PLPP4: variants seen among roughly 807,000 people sequenced by gnomAD.
The protein encoded by PLPP4 is phospholipid phosphatase 4.
A neutral mutation model predicts 32.2 loss-of-function variants in PLPP4; 20 were observed. The observed-to-expected ratio is 0.62, with a 90% confidence interval of 0.44 to 0.90. PLPP4 has a LOEUF of 0.90. Among genes scored for constraint, PLPP4 ranks in the 40% least tolerant of loss-of-function variants. PLPP4 has a pLI of 0.00. For missense variants in PLPP4, 257 were observed against 353.1 expected, an observed-to-expected ratio of 0.73 and a Z score of 2.18; for synonymous variants, 127 against 133.0, an observed-to-expected ratio of 0.95 and a Z score of 0.31.
At chr10:120,532,348 T>C (rs751593467) in intron 5 of PLPP4, among the ~76,000 whole-genome samples, 6 of 152,168 alleles carry the variant, frequency 3.9e-5, no homozygotes, top group Non-Finnish European at 7.3e-5. Context: ...TCTTTGCTAT[T>C]GTGAATAGTG....
intron 5 of PLPP4, among the ~76,000 whole-genome samples, chr10:120,539,086 T>G (rs1459473430): frequency 1.4e-4 from 22 of 152,178 alleles, no homozygotes; most frequent in Admixed American, 1.3e-3. Flanking sequence ...TACTAATTCC[T>G]TCAGCCCTTA....
chr10:120,541,577 G>A (rs543586796), intron 5 of PLPP4, among the ~76,000 whole-genome samples: 1 of 152,084 alleles, frequency 6.6e-6, no homozygotes, highest in Non-Finnish European at 1.5e-5. Context: ...GCTGTGAGGG[G>A]GGACATATAT....
intron 5 of PLPP4, among the ~76,000 whole-genome samples, chr10:120,560,736 C>G (rs953516217): frequency 6.6e-6 from 1 of 152,002 alleles, no homozygotes; most frequent in Non-Finnish European, 1.5e-5. Flanking sequence ...ACCTGGGTGG[C>G]GGAGTGAGAC....
intron 5 of PLPP4, among the ~76,000 whole-genome samples, chr10:120,574,168 ACTCTCTCTCTCTCTCTCTCT>A (rs58917160): frequency 0.029 from 1,369 of 46,954 alleles, 33 homozygotes; most frequent in East Asian, 0.15. Context: ...ACACACACAC[ACTCTCTCTCTCTCTCTCTCT>A]CTCTCTCTCT....
In PLPP4 at chr10:120,461,506, G is replaced by A. The variant is rs1589702749; in HGVS notation, c.56+4145G>A. Among the ~76,000 whole-genome samples, 5 of 152,076 alleles carry A rather than the reference G, an allele frequency of 3.3e-5. 1 individual carries two copies. The South Asian group carries it at 1.0e-3, about 32-fold the overall frequency. ...TCCCTATCCCTCCCTGTCATTTCTG[G>A]TGGCTCTCTGTCTGCAGGGTCCCCC... On this transcript the variant is annotated intron_variant, in intron 1 of 6. Coordinates refer to ENST00000398250, the MANE Select transcript of PLPP4 (RefSeq NM_001030059.3).
At chr10:120,508,183 G>A (rs1249156176) in intron 2 of PLPP4, among the ~76,000 whole-genome samples, 1 of 152,136 alleles carries the variant, frequency 6.6e-6, no homozygotes, top group Admixed American at 6.5e-5. Flanking sequence ...AGTCATTTTG[G>A]GGAGGAAGAA....
intron 6 of PLPP4, among the ~76,000 whole-genome samples, chr10:120,583,469 A>G (rs567546323): frequency 6.6e-6 from 1 of 152,134 alleles, no homozygotes; most frequent in Non-Finnish European, 1.5e-5. Context: ...ATTCTCAATT[A>G]TAAAATTCTC....
At chr10:120,532,246 T>A (rs1189720766) in intron 5 of PLPP4, among the ~76,000 whole-genome samples, 2 of 152,150 alleles carry the variant, frequency 1.3e-5, no homozygotes, top group Non-Finnish European at 2.9e-5. Context: ...TGAACTCATC[T>A]TTTTTTGTGG....
At chr10:120,534,563 A>G (rs1364347579) in intron 5 of PLPP4, among the ~76,000 whole-genome samples, 4 of 151,962 alleles carry the variant, frequency 2.6e-5, no homozygotes, top group African/African-American at 9.7e-5. Context: ...TTACTTCTTC[A>G]GGTACTTCCA....
intron 5 of PLPP4, among the ~76,000 whole-genome samples, chr10:120,571,091 G>GGTGTGTGT (rs1325313688): frequency 6.8e-5 from 5 of 74,046 alleles, no homozygotes; most frequent in African/African-American, 2.7e-4. Flanking sequence ...GTAGTAAAGG[G>GGTGTGTGT]GCGTGTGTGT....
At chr10:120,574,148 ACACACACACACACACACACACTCTCT>A (rs1849072762) in intron 5 of PLPP4, among the ~76,000 whole-genome samples, 1 of 116,972 alleles carries the variant, frequency 8.5e-6, no homozygotes, top group Admixed American at 9.5e-5. Flanking sequence ...ACACACACAC[ACACACACACACACACACACACTCTCT>A]CTCTCTCTCT....
intron 6 of PLPP4, among the ~76,000 whole-genome samples, chr10:120,577,034 C>G (rs187963938): frequency 6.6e-6 from 1 of 152,306 alleles, no homozygotes; most frequent in East Asian, 1.9e-4. Context: ...TTTCACAGAG[C>G]TTTTCATAGA....
chr10:120,554,939 C>T (rs1848085715), intron 5 of PLPP4, among the ~76,000 whole-genome samples: 1 of 152,102 alleles, frequency 6.6e-6, no homozygotes, highest in African/African-American at 2.4e-5. Flanking sequence ...CCATATCACC[C>T]TGCATACGTC....
intron 6 of PLPP4, among the ~76,000 whole-genome samples, chr10:120,575,853 A>G (rs1018857746): frequency 3.9e-5 from 6 of 152,170 alleles, no homozygotes; most frequent in African/African-American, 1.4e-4. Context: ...ACACAAAACA[A>G]GGGAGGGGCT....
At chr10:120,584,180 A>G (rs1404093799) in intron 6 of PLPP4, among the ~76,000 whole-genome samples, 2 of 151,944 alleles carry the variant, frequency 1.3e-5, no homozygotes, top group Non-Finnish European at 2.9e-5. Flanking sequence ...CTTTTCCTCT[A>G]CTTCTCAACC....
In PLPP4 at chr10:120,468,800, C is replaced by T. The variant is rs1848403344; in HGVS notation, c.56+11439C>T. ...AAGAAAAATCAGAGAGTAAAGATTA[C>T]TATCCAGAATGTATAAGTTTGTGTT... On this transcript the variant is annotated intron_variant, in intron 1 of 6. Coordinates refer to ENST00000398250, the MANE Select transcript of PLPP4 (RefSeq NM_001030059.3). 3.1e-5 allele frequency among the ~76,000 whole-genome samples: 2 copies of T among 65,184 alleles called. 1 individual carries two copies. Among genetic ancestry groups the T allele is most frequent in the South Asian group, 1.3e-3 (2 of 1,594 alleles). The allele number at this position is 65,184 out of a possible 152,430, so 42.8% of individuals were successfully genotyped here. A position where few individuals can be genotyped will look rare whatever the true frequency, so the allele number is the denominator to read the frequency against.
intron 5 of PLPP4, among the ~76,000 whole-genome samples, chr10:120,538,781 C>G (rs1384921321): frequency 6.6e-6 from 1 of 152,194 alleles, no homozygotes; most frequent in African/African-American, 2.4e-5. Flanking sequence ...TGTTAAGGGC[C>G]TTAAAGCCTT....
At chr10:120,548,139 T>C (rs1304363) in intron 5 of PLPP4, among the ~76,000 whole-genome samples, 32,374 of 151,788 alleles carry the variant, frequency 0.21, 3,849 homozygotes, top group Non-Finnish European at 0.27. Flanking sequence ...GTAAATTGTG[T>C]GTTGTGGAGT....
chr10:120,518,058 G>A (rs759504166), intron 3 of PLPP4, among the ~76,000 whole-genome samples: 5 of 152,246 alleles, frequency 3.3e-5, no homozygotes, highest in Non-Finnish European at 4.4e-5. Context: ...TGCCTTTTAC[G>A]CACTCTCGAT....
Sources: allele counts gnomAD v4.1 joint callset (sites outside exome capture counted in the v4.1 genomes callset), GRCh38; gene constraint gnomAD v4.1.1; transcripts MANE v1.5; gene names NCBI Gene and HGNC (gene_info 2026-07-23, HGNC 2026-07-21).